The following MAN2A1 variants were observed in gnomAD, a reference collection of about 807,000 sequenced individuals.
The protein encoded by MAN2A1 is mannosidase alpha class 2A member 1.
MAN2A1 carries 76 observed loss-of-function variants against 142.6 expected under a neutral mutation model. That is an observed-to-expected ratio of 0.53 (90% CI 0.44 to 0.65). The LOEUF is 0.65. Ranked by LOEUF, MAN2A1 falls within the 30% of genes least tolerant of loss-of-function variation. The pLI, the probability that MAN2A1 is intolerant of heterozygous loss-of-function variation, is 0.00. For synonymous variants in MAN2A1, 559 were observed against 473.2 expected, an observed-to-expected ratio of 1.18 and a Z score of -2.35; for missense variants, 1,311 against 1,365.1, an observed-to-expected ratio of 0.96 and a Z score of 0.62.
intron 1 of MAN2A1, among the ~76,000 whole-genome samples, chr5:109,694,254 C>T (rs1455723439): frequency 1.3e-5 from 2 of 152,046 alleles, no homozygotes; most frequent in African/African-American, 2.4e-5. Context: ...ATCTTTTTGC[C>T]TATGTAACAT....
chr5:109,833,067 A>G (rs537485045), intron 16 of MAN2A1, among the ~76,000 whole-genome samples: 1 of 150,122 alleles, frequency 6.7e-6, no homozygotes, highest in Admixed American at 6.6e-5. Context: ...CACATCTCAG[A>G]CGATGGGTGG....
chr5:109,730,369 A>G (rs1339032719), intron 4 of MAN2A1, among the ~76,000 whole-genome samples: 1 of 151,426 alleles, frequency 6.6e-6, no homozygotes, highest in Non-Finnish European at 1.5e-5. Context: ...TCAGATTTTT[A>G]TTTTCATCTT....
intron 3 of MAN2A1, among the ~76,000 whole-genome samples, chr5:109,729,034 G>C (rs570703099): frequency 1.7e-4 from 19 of 111,070 alleles, no homozygotes; most frequent in Non-Finnish European, 3.0e-4. Flanking sequence ...ATAAAAAATT[G>C]AATTAGATAC....
intron 20 of MAN2A1, chr5:109,863,332 C>T (rs1019845534): frequency 1.3e-5 from 2 of 152,222 alleles, no homozygotes; most frequent in Non-Finnish European, 2.9e-5. Flanking sequence ...GTGTGCCAGA[C>T]ATTTGGCCAG....
At position 109,749,991 on chromosome 5, in the gene MAN2A1, G is replaced by C. The variant is rs74390391; in HGVS notation, c.708-5338G>C. 6.5e-3 allele frequency among the ~76,000 whole-genome samples: 993 copies of C among 152,048 alleles called. 16 individuals are homozygous for C. Among genetic ancestry groups the C allele is most frequent in the African/African-American group, 0.022 (928 of 41,510 alleles). The stretch of plus-strand genomic sequence containing the variant: ...TCATCACTAACAACAGTGGCTTTAA[G>C]TATGGTCCTTTTTTAGGTTAACATA... On this transcript the variant is annotated intron_variant, in intron 4 of 21. Transcript: ENST00000261483.
chr5:109,841,144 T>G (rs1043911106), intron 16 of MAN2A1, among the ~76,000 whole-genome samples: 4 of 152,176 alleles, frequency 2.6e-5, no homozygotes, highest in African/African-American at 9.7e-5. Flanking sequence ...TCTCGCACCG[T>G]TTTTAAAAAA....
intron 4 of MAN2A1, among the ~76,000 whole-genome samples, chr5:109,735,878 GTTTTTTTT>G (rs35796131): frequency 2.0e-5 from 2 of 98,404 alleles, no homozygotes; most frequent in South Asian, 6.8e-4. Context: ...TTCCATTGGA[GTTTTTTTT>G]TTTTTTTTTT....
At chr5:109,740,151 A>G (rs1462498840) in intron 4 of MAN2A1, among the ~76,000 whole-genome samples, 1 of 152,166 alleles carries the variant, frequency 6.6e-6, no homozygotes, top group Non-Finnish European at 1.5e-5. Context: ...GCAAACCAGA[A>G]AGCTAGCTGA....
At chr5:109,744,108 T>G (rs1036849751) in intron 4 of MAN2A1, among the ~76,000 whole-genome samples, 2 of 152,188 alleles carry the variant, frequency 1.3e-5, no homozygotes, top group Non-Finnish European at 2.9e-5. Flanking sequence ...ACCTCATCTC[T>G]GAAACCTTCC....
At chr5:109,706,615 C>A (rs1220252690) in intron 1 of MAN2A1, among the ~76,000 whole-genome samples, 1 of 152,134 alleles carries the variant, frequency 6.6e-6, no homozygotes, top group African/African-American at 2.4e-5. Flanking sequence ...CCACCTTTAT[C>A]TGGTGAAGGA....
intron 12 of MAN2A1, among the ~76,000 whole-genome samples, chr5:109,798,890 C>T (rs923556066): frequency 6.6e-6 from 1 of 152,138 alleles, no homozygotes; most frequent in Non-Finnish European, 1.5e-5. Flanking sequence ...GACTGGGTTT[C>T]ACCGTGTTAG....
chr5:109,782,957 A>G (rs1030849376), intron 9 of MAN2A1, among the ~76,000 whole-genome samples: 1 of 152,044 alleles, frequency 6.6e-6, no homozygotes. Flanking sequence ...AGGTAATGGA[A>G]TATATCTTAT....
At chr5:109,776,241 ATAGTT>A (rs1223959267) in intron 8 of MAN2A1, among the ~76,000 whole-genome samples, 2 of 152,158 alleles carry the variant, frequency 1.3e-5, no homozygotes, top group African/African-American at 2.4e-5. Flanking sequence ...ATGGTGAACT[ATAGTT>A]TAGTAAGAAT....
intron 3 of MAN2A1, among the ~76,000 whole-genome samples, chr5:109,725,266 A>G (rs897498050): frequency 1.3e-5 from 2 of 152,220 alleles, no homozygotes; most frequent in Non-Finnish European, 2.9e-5. Flanking sequence ...CTGTTGCTCT[A>G]GTTCCCCACT....
intron 1 of MAN2A1, among the ~76,000 whole-genome samples, chr5:109,702,734 T>C (rs1403231230): frequency 6.6e-6 from 1 of 152,224 alleles, no homozygotes; most frequent in Non-Finnish European, 1.5e-5. Context: ...TATCCTTAAC[T>C]CATCTTTGAT....
At chr5:109,730,385 G>T (rs570177544) in intron 4 of MAN2A1, among the ~76,000 whole-genome samples, 1 of 151,896 alleles carries the variant, frequency 6.6e-6, no homozygotes, top group South Asian at 2.1e-4. Flanking sequence ...ATCTTTTAGT[G>T]TTTGATATAC....
intron 4 of MAN2A1, among the ~76,000 whole-genome samples, chr5:109,735,011 C>CT (rs1752045381): frequency 1.3e-5 from 2 of 152,084 alleles, no homozygotes; most frequent in Admixed American, 1.3e-4. Flanking sequence ...AGTCTTAAGT[C>CT]TCTTTATAGG....
chr5:109,819,870 C>T lies in MAN2A1; in HGVS notation c.2311C>T (p.Gln771Ter). 6.3e-7 allele frequency: 1 copy of T among 1,589,084 alleles called. No individual in the cohort carries two copies. Among genetic ancestry groups the T allele is most frequent in the Non-Finnish European group, 8.6e-7 (1 of 1,168,148 alleles). ...CTCCTTTGTTTTACTTCGGTTTGAT[C>T]AAACTGGACTTATGAAGGTATGTTC... ...ENSFVLLRFD[Q>*]TGLMKQMMTK... Residue 771 changes from glutamine to a stop codon, truncating the protein, a stop_gained, in exon 14 of 22, where the codon CAA becomes TAA. Coordinates refer to ENST00000261483, the MANE Select transcript of MAN2A1 (RefSeq NM_002372.4). LOFTEE classifies it high-confidence loss of function.
intron 12 of MAN2A1, among the ~76,000 whole-genome samples, chr5:109,805,591 G>A (rs1754143884): frequency 6.6e-6 from 1 of 152,188 alleles, no homozygotes; most frequent in Non-Finnish European, 1.5e-5. Context: ...GCACAGTGTT[G>A]TGAAGGGACC....
Sources: allele counts gnomAD v4.1 joint callset (sites outside exome capture counted in the v4.1 genomes callset), GRCh38; gene constraint gnomAD v4.1.1; transcripts MANE v1.5; gene names NCBI Gene and HGNC (gene_info 2026-07-23, HGNC 2026-07-21).